KCNT2: variants seen among roughly 807,000 people sequenced by gnomAD.
KCNT2 encodes potassium channel subfamily T member 2.
In KCNT2, 67 loss-of-function variants were observed where a neutral mutation model predicts 153.8. That is an observed-to-expected ratio of 0.44 (90% CI 0.36 to 0.53). KCNT2 has a LOEUF of 0.53. Ranked by LOEUF, KCNT2 falls within the 20% of genes least tolerant of loss-of-function variation. The pLI is 0.00. For synonymous variants in KCNT2, 500 were observed against 458.8 expected, an observed-to-expected ratio of 1.09 and a Z score of -1.15; for missense variants, 975 against 1,354.8, an observed-to-expected ratio of 0.72 and a Z score of 4.40.
intron 1 of KCNT2, among the ~76,000 whole-genome samples, chr1:196,548,845 G>A (rs911565999): frequency 7.9e-5 from 12 of 152,184 alleles, no homozygotes; most frequent in Admixed American, 2.0e-4. Flanking sequence ...AAGAGTTCAC[G>A]TCCTTTGTAG....
chr1:196,230,776 A>G (rs775072271), intron 27 of KCNT2, among the ~76,000 whole-genome samples: 7 of 151,988 alleles, frequency 4.6e-5, no homozygotes, highest in South Asian at 2.1e-4. Flanking sequence ...TTTATCATCA[A>G]ATAAATTGGT....
chr1:196,425,509 C>T (rs562671053), intron 11 of KCNT2, among the ~76,000 whole-genome samples: 12 of 151,964 alleles, frequency 7.9e-5, no homozygotes, highest in South Asian at 2.1e-4. Context: ...AAACAGTATT[C>T]GGGGATTTGG....
In KCNT2 at chr1:196,282,294, T is replaced by C; in HGVS notation, c.2760A>G (p.Pro920=). Residue 920 remains proline (P), a synonymous_variant, in exon 24 of 28, where the codon CCA becomes CCG. Transcript: ENST00000294725. ...TRLLLGLDTT[P]GSGFLCSMKI... ...TTACAGAACAAAGAAACCCAGATCC[T>C]GGTGTAGTGTCCAGTCCCAACAGAA... The C allele has an allele frequency of 6.3e-7, 1 of 1,597,034 alleles. No homozygotes were observed. The highest frequency in any genetic ancestry group is 8.6e-7 in the Non-Finnish European group (1 of 1,165,220).
chr1:196,261,746 C>T (rs1277066944), intron 25 of KCNT2, among the ~76,000 whole-genome samples: 1 of 151,886 alleles, frequency 6.6e-6, no homozygotes, highest in Non-Finnish European at 1.5e-5. Flanking sequence ...TCATTCTGCA[C>T]AGTTTCTATG....
At chr1:196,384,086 C>T (rs1669740600) in intron 13 of KCNT2, among the ~76,000 whole-genome samples, 2 of 152,114 alleles carry the variant, frequency 1.3e-5, no homozygotes, top group Non-Finnish European at 2.9e-5. Flanking sequence ...TGCTAACTAA[C>T]TTGATTGGGT....
chr1:196,531,056 T>G (rs527275987), intron 1 of KCNT2, among the ~76,000 whole-genome samples: 1 of 152,284 alleles, frequency 6.6e-6, no homozygotes, highest in Non-Finnish European at 1.5e-5. Flanking sequence ...GTTCTTGAAC[T>G]TATCACTGCC....
intron 25 of KCNT2, among the ~76,000 whole-genome samples, chr1:196,269,679 A>G: frequency 6.6e-6 from 1 of 152,124 alleles, no homozygotes; most frequent in East Asian, 1.9e-4. Context: ...TCTACCTGCC[A>G]TAAAAAATAC....
chr1:196,262,004 ATAT>A (rs1657073451), intron 25 of KCNT2, among the ~76,000 whole-genome samples: 2 of 151,936 alleles, frequency 1.3e-5, no homozygotes, highest in South Asian at 4.1e-4. Flanking sequence ...TCTAAAAGTT[ATAT>A]TACTTCCTAA....
At chr1:196,454,336 A>G (rs1424750738) in intron 8 of KCNT2, among the ~76,000 whole-genome samples, 3 of 151,960 alleles carry the variant, frequency 2.0e-5, no homozygotes, top group African/African-American at 7.2e-5. Context: ...TAGTGAGCAT[A>G]GTATCTAACA....
intron 22 of KCNT2, among the ~76,000 whole-genome samples, chr1:196,302,185 T>C (rs1661245908): frequency 6.6e-6 from 1 of 152,184 alleles, no homozygotes; most frequent in Non-Finnish European, 1.5e-5. Context: ...ACAGTAACTA[T>C]AGAAAATGCT....
intron 1 of KCNT2, among the ~76,000 whole-genome samples, chr1:196,509,179 G>C (rs1460296593): frequency 1.3e-5 from 2 of 148,988 alleles, no homozygotes; most frequent in African/African-American, 4.9e-5. Flanking sequence ...TGAGGCAGGA[G>C]AATCGCTTGA....
intron 1 of KCNT2, among the ~76,000 whole-genome samples, chr1:196,562,140 A>C (rs999598800): frequency 1.3e-5 from 2 of 152,032 alleles, no homozygotes; most frequent in African/African-American, 4.8e-5. Context: ...AATTCTCAAC[A>C]AAATGTAGAT....
chr1:196,230,890 A>T (rs1183781466), intron 27 of KCNT2, among the ~76,000 whole-genome samples: 1 of 152,052 alleles, frequency 6.6e-6, no homozygotes, highest in Admixed American at 6.6e-5. Context: ...AAGTAGCAGC[A>T]GGGTTTGAAA....
intron 22 of KCNT2, among the ~76,000 whole-genome samples, chr1:196,286,766 T>C (rs1232136427): frequency 6.6e-6 from 1 of 151,964 alleles, no homozygotes; most frequent in Non-Finnish European, 1.5e-5. Flanking sequence ...CTTTAATAAA[T>C]GAAGGTAAGA....
intron 1 of KCNT2, among the ~76,000 whole-genome samples, chr1:196,531,829 G>A (rs1412085121): frequency 1.3e-5 from 2 of 152,014 alleles, no homozygotes; most frequent in East Asian, 3.9e-4. Flanking sequence ...ACACTAAAAT[G>A]TCTGCTGGTA....
At chr1:196,435,029 C>T (rs187923840) in intron 8 of KCNT2, among the ~76,000 whole-genome samples, 9 of 150,236 alleles carry the variant, frequency 6.0e-5, no homozygotes. Context: ...GAAAATCTGC[C>T]CTGGAAATCA....
chr1:196,392,966 T>G (rs1670612755), intron 13 of KCNT2, among the ~76,000 whole-genome samples: 1 of 151,448 alleles, frequency 6.6e-6, no homozygotes, highest in African/African-American at 2.4e-5. Flanking sequence ...GTTGCATTCT[T>G]CTAGGCAGGT....
rs1223108904 is a variant in KCNT2 at position 196,500,253 on chromosome 1, A to AAAGGAAGG, written c.96-7920_96-7913dup. 5.6e-3 allele frequency among the ~76,000 whole-genome samples: 531 copies of AAAGGAAGG among 95,168 alleles called. 25 individuals carry two copies. Among genetic ancestry groups the AAAGGAAGG allele is most frequent in the African/African-American group, 0.015 (339 of 22,052 alleles). 62.4% of individuals were successfully genotyped at this position (95,168 alleles called of 152,430 possible). ...GAGAGAGAGAGAGAGAAAGAAAGAA[A>AAAGGAAGG]AAGGAAGGAAGGAAGGAAGGAAGGA... On this transcript the variant is annotated intron_variant, in intron 1 of 27. Transcript: ENST00000294725.
intron 27 of KCNT2, among the ~76,000 whole-genome samples, chr1:196,228,781 T>G (rs1653692436): frequency 6.6e-6 from 1 of 152,150 alleles, no homozygotes. Context: ...GTTCTTTGTC[T>G]TATTTTTATC....
Sources: gnomAD v4.1 joint callset for allele counts (sites outside exome capture counted in the v4.1 genomes callset) on GRCh38, gnomAD v4.1.1 for gene constraint, MANE v1.5 for transcripts, NCBI Gene and HGNC (gene_info 2026-07-23, HGNC 2026-07-21) for gene names.